DMXL2: variants seen among roughly 807,000 people sequenced by gnomAD.
DMXL2 encodes dmX-like protein 2.
DMXL2 carries 103 observed loss-of-function variants against 331.1 expected under a neutral mutation model. The ratio of observed to expected loss-of-function variants is 0.31; its 90% CI spans 0.27 to 0.37. The LOEUF (loss-of-function observed/expected upper bound fraction) is 0.37, where lower values mean the gene tolerates loss of function less well. Among genes scored for constraint, DMXL2 ranks in the 10% least tolerant of loss-of-function variants. The pLI, the probability that DMXL2 is intolerant of heterozygous loss-of-function variation, is 1.00. For synonymous variants in DMXL2, 1,281 were observed against 1,252.1 expected, an observed-to-expected ratio of 1.02 and a Z score of -0.49; for missense variants, 3,171 against 3,642.9, an observed-to-expected ratio of 0.87 and a Z score of 3.33.
intron 1 of DMXL2, among the ~76,000 whole-genome samples, chr15:51,579,815 A>G (rs2051288008): frequency 1.3e-5 from 2 of 152,184 alleles, no homozygotes; most frequent in South Asian, 4.1e-4. Context: ...AATCTACCAA[A>G]GCCTTCCTTA....
chr15:51,546,283 A>G (rs765216294), intron 7 of DMXL2, among the ~76,000 whole-genome samples: 3 of 152,170 alleles, frequency 2.0e-5, no homozygotes, highest in African/African-American at 7.2e-5. Flanking sequence ...TGGAGCAGCT[A>G]AAGTAACTTA....
At chr15:51,478,202 CTT>C (rs1265815599) in intron 26 of DMXL2, 67 bp downstream of exon 26, 1 of 1,314,030 alleles carries the variant, frequency 7.6e-7, no homozygotes, top group East Asian at 2.4e-5. Context: ...GAAATAGAAA[CTT>C]AATATAACTC....
chr15:51,485,773 C>T (rs1256094545), intron 23 of DMXL2, among the ~76,000 whole-genome samples: 2 of 151,778 alleles, frequency 1.3e-5, no homozygotes, highest in South Asian at 2.1e-4. Flanking sequence ...TTTTCCAGGC[C>T]CATGTGACAA....
At chr15:51,594,410 G>A (rs1023220170) in intron 1 of DMXL2, among the ~76,000 whole-genome samples, 4 of 152,180 alleles carry the variant, frequency 2.6e-5, no homozygotes, top group Non-Finnish European at 5.9e-5. Flanking sequence ...CTCTGAAATT[G>A]AGGCAATAAT....
chr15:51,458,892 T>C (rs1363835410), intron 34 of DMXL2, 97 bp from the exon 35 acceptor site: 84 of 953,762 alleles, frequency 8.8e-5, no homozygotes, highest in Non-Finnish European at 9.8e-5. Context: ...AAGAAGAAAA[T>C]GTAGCAGCAG....
chr15:51,466,884 T>G (rs766843535), intron 29 of DMXL2, among the ~76,000 whole-genome samples: 7 of 151,974 alleles, frequency 4.6e-5, no homozygotes, highest in Non-Finnish European at 8.8e-5. Flanking sequence ...GGGGAATTTT[T>G]TTTAAATAAA....
At chr15:51,546,162 CCAAA>C (rs1230405672) in intron 7 of DMXL2, among the ~76,000 whole-genome samples, 1 of 152,026 alleles carries the variant, frequency 6.6e-6, no homozygotes, top group Non-Finnish European at 1.5e-5. Context: ...TTCCTATAAC[CCAAA>C]CAGTTACAAA....
chr15:51,595,722 A>T (rs58564324), intron 1 of DMXL2, among the ~76,000 whole-genome samples: 3 of 152,180 alleles, frequency 2.0e-5, no homozygotes, highest in Non-Finnish European at 4.4e-5. Flanking sequence ...CAAAACAGAG[A>T]TATAGATCAA....
intron 39 of DMXL2, 113 bp from the exon 40 acceptor site, chr15:51,455,341 A>T (rs1171452203): frequency 1.1e-6 from 1 of 881,238 alleles, no homozygotes; most frequent in East Asian, 2.6e-5. Flanking sequence ...GCCTCTAACT[A>T]TGTTTCTGTT....
intron 16 of DMXL2, among the ~76,000 whole-genome samples, chr15:51,505,476 T>C (rs1871397179): frequency 6.6e-6 from 1 of 152,246 alleles, no homozygotes; most frequent in Admixed American, 6.5e-5. Flanking sequence ...CCCATTTCTG[T>C]GCCCAACTCT....
chr15:51,516,313 AG>A (rs2047033547), intron 14 of DMXL2, among the ~76,000 whole-genome samples: 1 of 152,296 alleles, frequency 6.6e-6, no homozygotes, highest in South Asian at 2.1e-4. Context: ...CTTCTTTCCT[AG>A]GTAGTAGCTG....
In DMXL2 at chr15:51,471,303, G is replaced by A. The variant is rs142404836; in HGVS notation, c.7312C>T (p.Pro2438Ser). The A allele has an allele frequency of 4.3e-5, 69 of 1,613,900 alleles. No individual in the cohort carries two copies. The highest frequency in any genetic ancestry group is 5.5e-5 in the Non-Finnish European group (65 of 1,179,942). ...TAAGATGGTCTTTCTGCAGGCACCG[G>A]TGGTGGGGTAGCATCTTTTACAGGC... Reference protein sequence around the residue: ...GRPVKDATPPPVPAERPSYKE... With the variant: ...GRPVKDATPPSVPAERPSYKE... The change falls in exon 29 of 44, where the codon CCG (proline) becomes TCG (serine). Residue 2438 changes from proline (P) to serine (S), a missense_variant. Physicochemically the swap from Pro to Ser is moderately conservative, Grantham distance 74. Around this residue, in one of 7 missense-constraint regions of DMXL2, gnomAD observed 766 missense variants for 940.5 expected, o/e 0.81. Transcript: ENST00000560891.
intron 34 of DMXL2, 118 bp downstream of exon 34, chr15:51,459,480 G>T: frequency 1.4e-6 from 1 of 738,856 alleles, no homozygotes; most frequent in Non-Finnish European, 2.0e-6. Context: ...TGGTATGGGA[G>T]TACTATGAGT....
intron 1 of DMXL2, among the ~76,000 whole-genome samples, chr15:51,615,651 T>C (rs539715163): frequency 7.9e-5 from 12 of 152,262 alleles, no homozygotes; most frequent in Middle Eastern, 3.4e-3. Context: ...GCTGAAAACA[T>C]TGGTTATTCA....
At chr15:51,608,400 C>T (rs1467001442) in intron 1 of DMXL2, among the ~76,000 whole-genome samples, 1 of 152,146 alleles carries the variant, frequency 6.6e-6, no homozygotes, top group Non-Finnish European at 1.5e-5. Context: ...TACACATATG[C>T]CACAGAATAC....
At chr15:51,577,567 T>C (rs1205203402) in intron 1 of DMXL2, among the ~76,000 whole-genome samples, 1 of 152,162 alleles carries the variant, frequency 6.6e-6, no homozygotes, top group Non-Finnish European at 1.5e-5. Context: ...GGTTATACCA[T>C]GAATTCAGGA....
intron 41 of DMXL2, 87 bp from the exon 42 acceptor site, chr15:51,451,784 T>G (rs1951415960): frequency 2.5e-6 from 3 of 1,217,680 alleles, no homozygotes; most frequent in Non-Finnish European, 3.6e-6. Flanking sequence ...AGTCAAATAT[T>G]TTGCTTATTC....
At chr15:51,531,454 T>C (rs1363602862) in intron 13 of DMXL2, among the ~76,000 whole-genome samples, 1 of 152,192 alleles carries the variant, frequency 6.6e-6, no homozygotes, top group African/African-American at 2.4e-5. Flanking sequence ...GGGGAAACTT[T>C]CCAGGACATT....
rs75389636 is a variant in DMXL2, at chr15:51,523,339, C to A, written c.2437-6172G>T. Among the ~76,000 whole-genome samples, 527 of 152,274 alleles carry A rather than the reference C, an allele frequency of 3.5e-3. 18 individuals carry two copies. The East Asian group carries it at 0.062, about 18-fold the overall frequency. On this transcript the variant is annotated intron_variant, in intron 13 of 43. Coordinates refer to ENST00000560891, the MANE Select transcript of DMXL2 (RefSeq NM_001378457.1). ...GAAAGGTTAAAAAATCCCAGAATGC[C>A]TTATAGCATGGGGGTCTCAAAGTCA...
Sources: allele counts gnomAD v4.1 joint callset (sites outside exome capture counted in the v4.1 genomes callset), GRCh38; gene constraint gnomAD v4.1.1; regional missense constraint gnomAD v4.1.1; transcripts MANE v1.5; gene names NCBI Gene and HGNC (gene_info 2026-07-23, HGNC 2026-07-21).